The following DDX11 variants were observed in gnomAD, a reference collection of about 807,000 sequenced individuals.
DDX11 encodes the protein ATP-dependent DNA helicase DDX11.
In DDX11, 72 loss-of-function variants were observed where a neutral mutation model predicts 125.2. That is an observed-to-expected ratio of 0.58 (90% confidence interval 0.48 to 0.70). The LOEUF is 0.70. Ranked by LOEUF, DDX11 falls within the 30% of genes least tolerant of loss-of-function variation. The pLI, the probability that DDX11 is intolerant of heterozygous loss-of-function variation, is 0.00. For missense variants in DDX11, 883 were observed against 1,165.0 expected (o/e 0.76, Z 3.52); for synonymous variants, 347 against 452.6 (o/e 0.77, Z 2.96).
intron 10 of DDX11, 73 bp from the exon 11 acceptor site, chr12:31,092,773 T>C: frequency 6.7e-7 from 1 of 1,481,820 alleles, no homozygotes; most frequent in East Asian, 2.3e-5. Context: ...CAGCATCTTC[T>C]AGGTGAATCT....
intron 12 of DDX11, chr12:31,094,206 G>A: frequency 3.1e-6 from 1 of 317,812 alleles, no homozygotes; most frequent in South Asian, 2.9e-5. Flanking sequence ...CCTGGCGGGA[G>A]CTGGTCTCGT....
At chr12:31,079,000 A>G (rs899024625) in intron 2 of DDX11, among the ~76,000 whole-genome samples, 2 of 152,090 alleles carry the variant, frequency 1.3e-5, no homozygotes, top group African/African-American at 2.4e-5. Context: ...AGTCTTAAAC[A>G]TAGCTCTGTG....
At position 31,096,851 on chromosome 12, in the gene DDX11, C is replaced by G; in HGVS notation, c.1631-8C>G. ...AGGGAGGCCTCCTCCCCGTTCTGCTCTGTGCAGCTCTTGCAGCCCCTGCAG... is the reference window on the plus strand; with the variant it reads ...AGGGAGGCCTCCTCCCCGTTCTGCTGTGTGCAGCTCTTGCAGCCCCTGCAG... On this transcript the variant is annotated splice_polypyrimidine_tract_variant and splice_region_variant and intron_variant, in intron 16 of 26. Coordinates refer to ENST00000542838, the MANE Select transcript of DDX11 (RefSeq NM_030653.4). 1 of 1,614,210 alleles carries G rather than the reference C, an allele frequency of 6.2e-7. No homozygotes were observed. The highest frequency in any genetic ancestry group is 8.5e-7 in the Non-Finnish European group (1 of 1,180,046).
chr12:31,087,741 C>G, intron 5 of DDX11, 197 bp from the exon 6 acceptor site: 1 of 900,594 alleles, frequency 1.1e-6, no homozygotes, highest in Non-Finnish European at 1.7e-6. Flanking sequence ...ATTTCCCTAC[C>G]CACAGACCTG....
intron 8 of DDX11, 87 bp from the exon 9 acceptor site, chr12:31,089,799 G>T (rs1191199687): frequency 6.4e-7 from 1 of 1,553,978 alleles, no homozygotes; most frequent in African/African-American, 1.4e-5. Flanking sequence ...CATGGAAGTG[G>T]GTCTCAACAT....
chr12:31,099,118 C>T (rs1215206538), intron 18 of DDX11, among the ~76,000 whole-genome samples: 7 of 81,858 alleles, frequency 8.6e-5, no homozygotes, highest in Admixed American at 1.5e-4. Context: ...GACACAGTCT[C>T]GCTCTGTCTC....
chr12:31,074,813 A>G (rs1940468990), intron 1 of DDX11, among the ~76,000 whole-genome samples: 1 of 152,234 alleles, frequency 6.6e-6, no homozygotes. Flanking sequence ...GCCATACGGT[A>G]GATAGTACCT....
At chr12:31,081,025 A>G (rs2352619) in intron 2 of DDX11, among the ~76,000 whole-genome samples, 1 of 152,204 alleles carries the variant, frequency 6.6e-6, no homozygotes, top group Admixed American at 6.5e-5. Context: ...GATTACAGGC[A>G]TGAGCCACTG....
intron 6 of DDX11, among the ~76,000 whole-genome samples, chr12:31,088,427 T>A (rs1440853125): frequency 1.3e-5 from 2 of 152,154 alleles, no homozygotes; most frequent in Non-Finnish European, 2.9e-5. Flanking sequence ...AGGACAGACA[T>A]GAGTCCCCTG....
intron 7 of DDX11, 66 bp downstream of exon 7, chr12:31,089,217 C>T (rs773185701): frequency 6.1e-6 from 9 of 1,486,498 alleles, no homozygotes; most frequent in African/African-American, 4.2e-5. Context: ...TTGTCCTGCT[C>T]GTCCAGGCCT....
intron 2 of DDX11, among the ~76,000 whole-genome samples, chr12:31,079,719 G>A (rs1232054771): frequency 2.6e-5 from 4 of 152,172 alleles, no homozygotes; most frequent in Admixed American, 6.5e-5. Context: ...GAACTCAAGC[G>A]ATCCTCCCCT....
Position 31,085,056 on chromosome 12 carries a change from C to G in DDX11, c.568C>G (p.Leu190Val). The stretch of plus-strand genomic sequence containing the variant: ...CCCGGAGGCTGAGCGGCTGGAGCAG[C>G]TGGAGTCTGGGGAGGAGGAGCTGGT... ...TGPEAERLEQ[L>V]ESGEEELVLA... Residue 190 changes from leucine (L) to valine (V), a missense_variant, in exon 5 of 27, where the codon CTG becomes GTG. Physicochemically the swap from Leu to Val is conservative, Grantham distance 32. Around this residue, in one of 5 missense-constraint regions of DDX11, gnomAD observed 283 missense variants for 359.6 expected, o/e 0.79. Transcript: ENST00000542838. 2 of 1,607,850 alleles carry G rather than the reference C, an allele frequency of 1.2e-6. No homozygotes were observed. The highest frequency in any genetic ancestry group is 1.7e-6 in the Non-Finnish European group (2 of 1,176,928).
chr12:31,075,227 C>CT (rs1231971795), intron 1 of DDX11, among the ~76,000 whole-genome samples: 5 of 151,128 alleles, frequency 3.3e-5, no homozygotes, highest in African/African-American at 1.2e-4. Context: ...ATCTAAACCT[C>CT]TATGATTTAG....
intron 12 of DDX11, 90 bp from the exon 13 acceptor site, chr12:31,094,500 C>T (rs1592733200): frequency 2.0e-6 from 3 of 1,521,384 alleles, no homozygotes; most frequent in Admixed American, 2.0e-5. Context: ...GCTCTTCTTA[C>T]TTGATGTGCA....
At chr12:31,092,650 C>A (rs959315729) in intron 10 of DDX11, among the ~76,000 whole-genome samples, 196 bp from the exon 11 acceptor site, 2 of 152,162 alleles carry the variant, frequency 1.3e-5, no homozygotes, top group African/African-American at 4.8e-5. Context: ...GAAAACTTCC[C>A]TTCCTTCCCT....
At chr12:31,082,671 G>GGA (rs1942203452) in intron 2 of DDX11, among the ~76,000 whole-genome samples, 1 of 151,876 alleles carries the variant, frequency 6.6e-6, no homozygotes, top group African/African-American at 2.4e-5. Context: ...CCGCCTCCTT[G>GGA]TGGCGCTCCC....
intron 1 of DDX11, among the ~76,000 whole-genome samples, chr12:31,076,323 G>T (rs1236052551): frequency 1.3e-5 from 2 of 152,298 alleles, no homozygotes; most frequent in East Asian, 3.9e-4. Flanking sequence ...GAACCCCGTG[G>T]GTGTGTGTTT....
At chr12:31,101,382 G>A (rs1051966308) in intron 20 of DDX11, 10 of 576,536 alleles carry the variant, frequency 1.7e-5, no homozygotes, top group African/African-American at 7.5e-5. Flanking sequence ...CTCTGAGGAC[G>A]CCTCACACAG....
At position 31,091,572 on chromosome 12, in the gene DDX11, T is replaced by C. The variant is rs1944224411; in HGVS notation, c.1090-147T>C. ...TTTCATGTGAAACTCGAGGAGAGCT[T>C]GTCCGTTGCCACAAGCTGTTTTTCG... On this transcript the variant is annotated intron_variant, in intron 9 of 26. Coordinates refer to ENST00000542838, the MANE Select transcript of DDX11 (RefSeq NM_030653.4). 13 of 789,168 alleles carry C rather than the reference T, an allele frequency of 1.6e-5. No individual in the cohort carries two copies. The South Asian group carries it at 2.3e-4, about 14-fold the overall frequency. 48.9% of individuals were successfully genotyped at this position (789,168 alleles called of 1,614,324 possible).
Sources: gnomAD v4.1 joint callset for allele counts (sites outside exome capture counted in the v4.1 genomes callset) on GRCh38, gnomAD v4.1.1 for gene constraint, gnomAD v4.1.1 regional missense constraint, MANE v1.5 for transcripts, NCBI Gene and HGNC (gene_info 2026-07-23, HGNC 2026-07-21) for gene names.